TMX3: variants seen among roughly 807,000 people sequenced by gnomAD.
TMX3 encodes the protein protein disulfide-isomerase TMX3.
TMX3 carries 40 observed loss-of-function variants against 64.4 expected under a neutral mutation model. The observed-to-expected ratio is 0.62, with a 90% CI of 0.48 to 0.81. TMX3 has a LOEUF of 0.81. Among genes scored for constraint, TMX3 ranks in the 30% least tolerant of loss-of-function variants. The probability of loss-of-function intolerance (pLI) is 0.00; values close to 1 mark genes in which losing one functional copy is unlikely to be tolerated. For synonymous variants in TMX3, 189 were observed against 175.7 expected (o/e 1.08, Z -0.60); for missense variants, 497 against 534.5 (o/e 0.93, Z 0.69).
intron 11 of TMX3, 83 bp from the exon 12 acceptor site, chr18:68,684,326 T>C (rs898919583): frequency 3.4e-6 from 5 of 1,486,970 alleles, no homozygotes; most frequent in Non-Finnish European, 4.7e-6. Context: ...CTGTCTTACA[T>C]CTAATTGCTG....
At chr18:68,710,171 C>A (rs776843008) in intron 3 of TMX3, 27 bp from the exon 4 acceptor site, 17 of 1,494,710 alleles carry the variant, frequency 1.1e-5, no homozygotes, top group Middle Eastern at 1.8e-4. Flanking sequence ...AAACAACAAA[C>A]AAAAAAAGAT....
chr18:68,677,965 C>T (rs383181), intron 15 of TMX3, among the ~76,000 whole-genome samples: 19,730 of 151,938 alleles, frequency 0.13, 3,838 homozygotes, highest in African/African-American at 0.42. Flanking sequence ...CAAAAACCAA[C>T]GAGGAAAATA....
intron 2 of TMX3, among the ~76,000 whole-genome samples, chr18:68,713,623 T>C (rs1027767049): frequency 6.6e-6 from 1 of 152,020 alleles, no homozygotes; most frequent in Non-Finnish European, 1.5e-5. Flanking sequence ...GGTAAGATAA[T>C]GAGGAAAAAA....
intron 10 of TMX3, chr18:68,686,850 G>A (rs1914009748): frequency 1.0e-6 from 1 of 985,080 alleles, no homozygotes; most frequent in African/African-American, 1.7e-5. Flanking sequence ...AGCAAGCTCA[G>A]GAACAGAACA....
intron 2 of TMX3, among the ~76,000 whole-genome samples, chr18:68,712,162 C>T (rs888943126): frequency 6.6e-6 from 1 of 152,122 alleles, no homozygotes; most frequent in African/African-American, 2.4e-5. Flanking sequence ...GACAGTGTGG[C>T]CCAAGTCATT....
At chr18:68,702,295 T>C (rs1334523866) in intron 4 of TMX3, among the ~76,000 whole-genome samples, 1 of 151,670 alleles carries the variant, frequency 6.6e-6, no homozygotes, top group Admixed American at 6.6e-5. Flanking sequence ...AATTAATTAC[T>C]ATGGTCAACA....
intron 13 of TMX3, among the ~76,000 whole-genome samples, chr18:68,682,533 A>G (rs568901481): frequency 3.9e-5 from 6 of 152,182 alleles, no homozygotes; most frequent in Non-Finnish European, 7.4e-5. Context: ...TTACAAAGTT[A>G]GTCTATCCAA....
At chr18:68,687,914 T>A in intron 9 of TMX3, 149 bp from the exon 10 acceptor site, 1 of 491,872 alleles carries the variant, frequency 2.0e-6, no homozygotes, top group Non-Finnish European at 3.5e-6. Context: ...AAGCATACAA[T>A]CAAATGTACA....
At chr18:68,697,876 A>C in intron 7 of TMX3, 56 bp downstream of exon 7, 1 of 1,121,504 alleles carries the variant, frequency 8.9e-7, no homozygotes, top group Non-Finnish European at 1.3e-6. Context: ...AGTCTTGATT[A>C]TAGAGTAAAT....
intron 14 of TMX3, among the ~76,000 whole-genome samples, chr18:68,680,301 C>T (rs1445670724): frequency 1.3e-5 from 2 of 152,044 alleles, no homozygotes; most frequent in Non-Finnish European, 2.9e-5. Flanking sequence ...TAAATTTTAT[C>T]CTAGTCTATT....
At chr18:68,681,458 T>G in intron 13 of TMX3, 1 of 984,900 alleles carries the variant, frequency 1.0e-6, no homozygotes, top group Non-Finnish European at 1.2e-6. Flanking sequence ...GTCCCTTTAA[T>G]AATTGTATAG....
chr18:68,700,844 G>A, intron 5 of TMX3: 2 of 985,028 alleles, frequency 2.0e-6, no homozygotes, highest in Non-Finnish European at 2.4e-6. Context: ...TGAAAGGACA[G>A]GGAAATAAGA....
chr18:68,703,141 AAC>A (rs1010393173), intron 4 of TMX3, among the ~76,000 whole-genome samples: 5 of 152,168 alleles, frequency 3.3e-5, no homozygotes, highest in African/African-American at 1.2e-4. Context: ...TCCCAGCAAA[AAC>A]ACAGAAACTA....
At position 68,712,818 on chromosome 18, in the gene TMX3, C is replaced by A. The variant is rs79018663; in HGVS notation, c.101+1028G>T. Among the ~76,000 whole-genome samples the A allele has an allele frequency of 4.3e-3, 657 of 152,134 alleles. 2 individuals carry two copies. The highest frequency in any genetic ancestry group is 0.013 in the African/African-American group (536 of 41,512). ...CCCCATGACCCAACAGCATGAGCAG[C>A]GAAGTGCCCCCATGGGACTGTCAGG... On this transcript the variant is annotated intron_variant, in intron 2 of 15. Transcript: ENST00000299608.
At chr18:68,697,046 C>T (rs1915156821) in intron 8 of TMX3, 180 bp downstream of exon 8, 2 of 417,156 alleles carry the variant, frequency 4.8e-6, no homozygotes, top group Non-Finnish European at 4.3e-6. Flanking sequence ...TAATAAAAAG[C>T]AATCTAATAC....
chr18:68,713,760 C>A (rs1261582424), intron 2 of TMX3, 86 bp downstream of exon 2: 17 of 686,732 alleles, frequency 2.5e-5, no homozygotes, highest in Non-Finnish European at 3.6e-5. Flanking sequence ...TGGTTCCAAT[C>A]TAAAATATTA....
intron 10 of TMX3, chr18:68,686,548 A>C (rs1340215558): frequency 5.7e-6 from 1 of 174,676 alleles, no homozygotes; most frequent in Admixed American, 6.5e-5. Context: ...GTCTCTGCTA[A>C]GAATACAAAA....
At chr18:68,708,013 ATGTGTATATATGTG>A (rs1408822955) in intron 4 of TMX3, among the ~76,000 whole-genome samples, 7 of 134,904 alleles carry the variant, frequency 5.2e-5, no homozygotes, top group African/African-American at 2.6e-4. Flanking sequence ...ATATGTGTAT[ATGTGTATATATGTG>A]TATATGTGTA....
intron 2 of TMX3, 39 bp downstream of exon 2, chr18:68,713,807 A>G (rs946030772): frequency 1.9e-6 from 2 of 1,040,220 alleles, no homozygotes; most frequent in East Asian, 5.6e-5. Context: ...TGAGTTGGAC[A>G]GTTAAAATAA....
Sources: allele counts gnomAD v4.1 joint callset (sites outside exome capture counted in the v4.1 genomes callset), GRCh38; gene constraint gnomAD v4.1.1; transcripts MANE v1.5; gene names NCBI Gene and HGNC (gene_info 2026-07-23, HGNC 2026-07-21).